ELF1: variants seen among roughly 807,000 people sequenced by gnomAD.
ELF1 encodes the protein E74 like ETS transcription factor 1.
ELF1 carries 24 observed loss-of-function variants against 59.9 expected under a neutral mutation model. That is an observed-to-expected ratio of 0.40 (90% CI 0.29 to 0.56). The LOEUF is 0.56. ELF1 is among the 20% of genes least tolerant of loss of function. The pLI, the probability that ELF1 is intolerant of heterozygous loss-of-function variation, is 0.44. For missense variants in ELF1, 627 were observed against 742.2 expected, an observed-to-expected ratio of 0.84 and a Z score of 1.80; for synonymous variants, 248 against 266.2, an observed-to-expected ratio of 0.93 and a Z score of 0.67.
At chr13:40,981,225 A>G (rs1189302375) in intron 2 of ELF1, among the ~76,000 whole-genome samples, 1 of 152,104 alleles carries the variant, frequency 6.6e-6, no homozygotes, top group African/African-American at 2.4e-5. Flanking sequence ...TCTCTCCAAC[A>G]CGTACACTAT....
intron 1 of ELF1, among the ~76,000 whole-genome samples, chr13:41,028,858 C>T (rs1259092434): frequency 3.3e-5 from 5 of 152,134 alleles, no homozygotes; most frequent in Admixed American, 6.5e-5. Flanking sequence ...CTCAGCCTCC[C>T]GAGTAGCTGG....
chr13:41,054,865 T>TCG (rs1877228829), intron 1 of ELF1, among the ~76,000 whole-genome samples: 1 of 152,212 alleles, frequency 6.6e-6, no homozygotes, highest in African/African-American at 2.4e-5. Context: ...AAAACATTCC[T>TCG]CGTATTACCA....
intron 1 of ELF1, among the ~76,000 whole-genome samples, chr13:41,026,181 C>T (rs1344345577): frequency 2.0e-5 from 3 of 152,118 alleles, no homozygotes; most frequent in Non-Finnish European, 4.4e-5. Flanking sequence ...ATAAATCTGA[C>T]TAAAATTCAA....
intron 1 of ELF1, among the ~76,000 whole-genome samples, chr13:41,060,275 T>C (rs1347815377): frequency 2.0e-5 from 3 of 152,356 alleles, no homozygotes; most frequent in South Asian, 4.1e-4. Flanking sequence ...CTAGAGCTAC[T>C]GGTCCGGGCG....
At chr13:41,003,177 A>G (rs868549143) in intron 1 of ELF1, among the ~76,000 whole-genome samples, 1 of 152,162 alleles carries the variant, frequency 6.6e-6, no homozygotes, top group Non-Finnish European at 1.5e-5. Flanking sequence ...TGACGTACAT[A>G]TATGTATTTT....
intron 1 of ELF1, among the ~76,000 whole-genome samples, chr13:41,007,426 TTAAG>T (rs754578597): frequency 4.6e-5 from 7 of 152,176 alleles, no homozygotes; most frequent in Non-Finnish European, 8.8e-5. Context: ...CATATTATTA[TTAAG>T]TATCAAAAAA....
intron 1 of ELF1, among the ~76,000 whole-genome samples, chr13:41,007,779 C>G (rs999451147): frequency 3.9e-5 from 6 of 152,174 alleles, no homozygotes; most frequent in African/African-American, 1.4e-4. Context: ...ATTTCTAATG[C>G]TGCATTATTC....
intron 2 of ELF1, among the ~76,000 whole-genome samples, chr13:40,972,043 A>G (rs1229821868): frequency 6.6e-6 from 1 of 152,204 alleles, no homozygotes; most frequent in African/African-American, 2.4e-5. Flanking sequence ...TCACTACCAG[A>G]CAGGTAAGTG....
chr13:40,944,763 T>G (rs1870402805), intron 5 of ELF1, among the ~76,000 whole-genome samples: 1 of 152,178 alleles, frequency 6.6e-6, no homozygotes, highest in Non-Finnish European at 1.5e-5. Context: ...GAAGAGTTAC[T>G]ACCTCCTACC....
Position 41,047,679 on chromosome 13 carries a change from G to C in ELF1, c.-229+13159C>G, listed in dbSNP as rs531927465. 4.6e-5 allele frequency among the ~76,000 whole-genome samples: 7 copies of C among 152,338 alleles called. No homozygotes were observed. In the East Asian group the frequency reaches 9.6e-4, roughly 21 times the overall value. Reference sequence around the variant, plus strand: ...GGGTACCTGGCCGTGTGAGGTGTCAGTCTGCCCCTACTAGGGGTGCCTCCC... The same window carrying C: ...GGGTACCTGGCCGTGTGAGGTGTCACTCTGCCCCTACTAGGGGTGCCTCCC... On this transcript the variant is annotated intron_variant, in intron 1 of 1. Transcript: ENST00000405737.
chr13:40,951,322 C>A lies in ELF1; in HGVS notation c.361+7G>T, dbSNP rs1033061147. The A allele has an allele frequency of 3.7e-6, 6 of 1,601,112 alleles. No homozygotes were observed. On this transcript the variant is annotated splice_region_variant and intron_variant, in intron 4 of 8. Coordinates refer to ENST00000239882, the MANE Select transcript of ELF1 (RefSeq NM_172373.4). Reference sequence around the variant, plus strand: ...GTACATAAACATAAACAATCATAATCACTCACTTATTCGTTTTTCATCCAG... The same window carrying A: ...GTACATAAACATAAACAATCATAATAACTCACTTATTCGTTTTTCATCCAG...
intron 2 of ELF1, among the ~76,000 whole-genome samples, chr13:40,965,194 A>G (rs1872100435): frequency 6.6e-6 from 1 of 152,128 alleles, no homozygotes; most frequent in Non-Finnish European, 1.5e-5. Context: ...TACCCACCTC[A>G]ATTTTTTCCA....
intron 1 of ELF1, among the ~76,000 whole-genome samples, chr13:41,008,183 T>C (rs1279785718): frequency 6.6e-6 from 1 of 152,240 alleles, no homozygotes; most frequent in Non-Finnish European, 1.5e-5. Context: ...AGAAATAGCA[T>C]TGTTGTCTTG....
intron 1 of ELF1, among the ~76,000 whole-genome samples, chr13:40,999,648 C>T (rs764580906): frequency 3.3e-5 from 5 of 152,156 alleles, no homozygotes; most frequent in Non-Finnish European, 7.4e-5. Context: ...AACCACCATC[C>T]AAAAACGATG....
intron 1 of ELF1, among the ~76,000 whole-genome samples, chr13:41,060,640 C>T (rs1877509886): frequency 6.6e-6 from 1 of 152,138 alleles, no homozygotes; most frequent in Non-Finnish European, 1.5e-5. Flanking sequence ...TTTCTACAAA[C>T]TCACCCAGAC....
At chr13:40,993,211 A>G (rs1431193313) in intron 1 of ELF1, 31 of 1,542,240 alleles carry the variant, frequency 2.0e-5, no homozygotes, top group Non-Finnish European at 2.8e-5. Context: ...CCTAACAGTG[A>G]GGCAGGAGCA....
chr13:41,059,521 A>G (rs1475871798), intron 1 of ELF1, among the ~76,000 whole-genome samples: 2 of 152,270 alleles, frequency 1.3e-5, no homozygotes, highest in South Asian at 2.1e-4. Context: ...GCTACAAAAT[A>G]GTCTGGGAAC....
intron 1 of ELF1, among the ~76,000 whole-genome samples, chr13:41,048,019 T>C (rs973577590): frequency 3.3e-5 from 5 of 152,224 alleles, no homozygotes; most frequent in Non-Finnish European, 5.9e-5. Flanking sequence ...TGCAGTTCGA[T>C]CTCAGACTGC....
At chr13:41,004,723 T>C (rs937564754) in intron 1 of ELF1, among the ~76,000 whole-genome samples, 1 of 152,208 alleles carries the variant, frequency 6.6e-6, no homozygotes, top group Admixed American at 6.5e-5. Flanking sequence ...TATTTCATAG[T>C]GAATTTATAT....
Sources: allele counts gnomAD v4.1 joint callset (sites outside exome capture counted in the v4.1 genomes callset), GRCh38; gene constraint gnomAD v4.1.1; transcripts MANE v1.5; gene names NCBI Gene and HGNC (gene_info 2026-07-23, HGNC 2026-07-21).